GALNT13: variants seen among roughly 807,000 people sequenced by gnomAD.
GALNT13 encodes the protein UDP-GalNAc:polypeptide N-acetylgalactosaminyltransferase 13.
GALNT13 carries 28 observed loss-of-function variants against 64.2 expected under a neutral mutation model. The observed-to-expected ratio is 0.44, with a 90% CI of 0.32 to 0.60. The LOEUF (loss-of-function observed/expected upper bound fraction) is 0.60. Ranked by LOEUF, GALNT13 falls within the 20% of genes least tolerant of loss-of-function variation. The pLI, the probability that GALNT13 is intolerant of heterozygous loss-of-function variation, is 0.05. For missense variants in GALNT13, 577 were observed against 669.8 expected (o/e 0.86, Z 1.53); for synonymous variants, 214 against 224.6 (o/e 0.95, Z 0.42).
At chr2:154,003,029 G>C (rs1479932798) in intron 3 of GALNT13, among the ~76,000 whole-genome samples, 3 of 152,214 alleles carry the variant, frequency 2.0e-5, no homozygotes, top group Admixed American at 6.5e-5. Flanking sequence ...CAAATACTTA[G>C]GCTTTGTGAG....
chr2:153,710,783 T>C, the GALNT13 span, among the ~76,000 whole-genome samples: 4 of 152,106 alleles, frequency 2.6e-5, no homozygotes, highest in Non-Finnish European at 5.9e-5. Context: ...ATTTAACTGA[T>C]CAATGAATAT....
chr2:153,498,064 G>A, the GALNT13 span, among the ~76,000 whole-genome samples: 32 of 152,102 alleles, frequency 2.1e-4, no homozygotes, highest in Admixed American at 2.1e-3. Flanking sequence ...AGATTATTTT[G>A]TACTCTTACT....
At chr2:154,303,325 C>T (rs1693551866) in intron 9 of GALNT13, among the ~76,000 whole-genome samples, 1 of 151,842 alleles carries the variant, frequency 6.6e-6, no homozygotes, top group South Asian at 2.1e-4. Flanking sequence ...TCAGGTGCGC[C>T]CTTTACATAG....
At chr2:153,105,801 A>G in the GALNT13 span, among the ~76,000 whole-genome samples, 2 of 152,146 alleles carry the variant, frequency 1.3e-5, no homozygotes, top group African/African-American at 2.4e-5. Flanking sequence ...TAGGAATCCA[A>G]CTTACAAGGG....
At chr2:153,644,922 G>A in the GALNT13 span, among the ~76,000 whole-genome samples, 3 of 152,046 alleles carry the variant, frequency 2.0e-5, no homozygotes, top group Non-Finnish European at 4.4e-5. Context: ...AAATCTGTCA[G>A]TATGATATCC....
At chr2:153,505,755 G>A in the GALNT13 span, among the ~76,000 whole-genome samples, 2 of 152,056 alleles carry the variant, frequency 1.3e-5, no homozygotes, top group Non-Finnish European at 2.9e-5. Flanking sequence ...TAAATTTACT[G>A]AGACTTGTTT....
chr2:153,111,808 A>G, the GALNT13 span, among the ~76,000 whole-genome samples: 1,031 of 152,198 alleles, frequency 6.8e-3, 12 homozygotes, highest in African/African-American at 0.023. Flanking sequence ...TCCCTCCTAA[A>G]TATAAGGACT....
the GALNT13 span, among the ~76,000 whole-genome samples, chr2:153,589,140 AAAAAAG>A: frequency 5.7e-4 from 87 of 151,984 alleles, no homozygotes; most frequent in African/African-American, 1.9e-3. Flanking sequence ...TGTCTCAAAA[AAAAAAG>A]AAAAGAAAAG....
the GALNT13 span, among the ~76,000 whole-genome samples, chr2:153,152,599 C>G: frequency 2.0e-5 from 3 of 151,878 alleles, no homozygotes; most frequent in Non-Finnish European, 4.4e-5. Flanking sequence ...TAGTGTGTGC[C>G]TCTATGTGTC....
chr2:154,190,148 CA>C (rs1408070256), intron 4 of GALNT13, among the ~76,000 whole-genome samples: 4 of 152,042 alleles, frequency 2.6e-5, no homozygotes, highest in Non-Finnish European at 5.9e-5. Context: ...GACTGTAACT[CA>C]ATTTTCTGAT....
At chr2:153,246,794 A>G in the GALNT13 span, among the ~76,000 whole-genome samples, 1 of 152,224 alleles carries the variant, frequency 6.6e-6, no homozygotes, top group Non-Finnish European at 1.5e-5. Context: ...TTCATACATA[A>G]CAATGTTAAC....
the GALNT13 span, among the ~76,000 whole-genome samples, chr2:153,606,195 TTGTATGTA>T: frequency 2.0e-5 from 3 of 152,100 alleles, no homozygotes; most frequent in Non-Finnish European, 4.4e-5. Flanking sequence ...ATATATCTAT[TTGTATGTA>T]TGTATGTATA....
chr2:154,017,787 T>G (rs762823809), intron 3 of GALNT13, among the ~76,000 whole-genome samples: 10 of 152,194 alleles, frequency 6.6e-5, no homozygotes, highest in Non-Finnish European at 1.3e-4. Flanking sequence ...CACTACAAGT[T>G]AATATGCACA....
At chr2:153,633,889 A>G in the GALNT13 span, among the ~76,000 whole-genome samples, 1 of 152,232 alleles carries the variant, frequency 6.6e-6, no homozygotes, top group African/African-American at 2.4e-5. Context: ...TATAACCAAT[A>G]AAGTCTGTGG....
chr2:153,072,552 C>T, the GALNT13 span, among the ~76,000 whole-genome samples: 1 of 152,152 alleles, frequency 6.6e-6, no homozygotes, highest in Admixed American at 6.5e-5. Flanking sequence ...ATCCTTATGC[C>T]TTTCTGCGTT....
At chr2:154,441,505 A>C (rs1005333056) in intron 12 of GALNT13, among the ~76,000 whole-genome samples, 6 of 152,076 alleles carry the variant, frequency 3.9e-5, no homozygotes, top group Non-Finnish European at 7.4e-5. Context: ...ATGTACCTTA[A>C]AGTTCTCTCC....
At chr2:153,271,142 G>T in the GALNT13 span, among the ~76,000 whole-genome samples, 4 of 152,224 alleles carry the variant, frequency 2.6e-5, no homozygotes, top group East Asian at 7.7e-4. Flanking sequence ...AGCTATTTAT[G>T]ACAAACCCAC....
At chr2:153,372,673 A>G in the GALNT13 span, among the ~76,000 whole-genome samples, 2 of 151,892 alleles carry the variant, frequency 1.3e-5, no homozygotes, top group African/African-American at 4.8e-5. Flanking sequence ...AAGGAAAGAA[A>G]GCAGAAGAAA....
intron 9 of GALNT13, among the ~76,000 whole-genome samples, chr2:154,374,543 C>T (rs1697872219): frequency 6.6e-6 from 1 of 152,146 alleles, no homozygotes; most frequent in African/African-American, 2.4e-5. Context: ...ATGGGAGAAC[C>T]ATTACCTATC....
Sources: gnomAD v4.1 joint callset for allele counts (sites outside exome capture counted in the v4.1 genomes callset) on GRCh38, gnomAD v4.1.1 for gene constraint, MANE v1.5 for transcripts, NCBI Gene and HGNC (gene_info 2026-07-23, HGNC 2026-07-21) for gene names.